The following CDK17 variants were observed in gnomAD, a reference collection of about 807,000 sequenced individuals.
CDK17 encodes the protein cyclin dependent kinase 17, also known as cyclin-dependent kinase 17.
In CDK17, 24 loss-of-function variants were observed where a neutral mutation model predicts 77.6. The ratio of observed to expected loss-of-function variants is 0.31; its 90% confidence interval spans 0.22 to 0.44. The LOEUF (loss-of-function observed/expected upper bound fraction) is 0.44, where lower values mean the gene tolerates loss of function less well. Among genes scored for constraint, CDK17 ranks in the 20% least tolerant of loss-of-function variants. The pLI, the probability that CDK17 is intolerant of heterozygous loss-of-function variation, is 1.00. For synonymous variants in CDK17, 203 were observed against 210.4 expected, an observed-to-expected ratio of 0.96 and a Z score of 0.30; for missense variants, 429 against 622.5, an observed-to-expected ratio of 0.69 and a Z score of 3.31.
intron 1 of CDK17, among the ~76,000 whole-genome samples, chr12:96,381,758 CA>C (rs1953886669): frequency 6.7e-6 from 1 of 149,112 alleles, no homozygotes; most frequent in South Asian, 2.1e-4. Flanking sequence ...ATCACCAAAA[CA>C]ACTTATCTAG....
intron 5 of CDK17, among the ~76,000 whole-genome samples, chr12:96,310,034 T>C (rs1387467162): frequency 1.3e-5 from 2 of 152,114 alleles, no homozygotes; most frequent in African/African-American, 2.4e-5. Flanking sequence ...GGAATGGTGA[T>C]AGAAGCATTA....
chr12:96,360,810 G>T (rs1953482454), intron 1 of CDK17, among the ~76,000 whole-genome samples: 1 of 152,164 alleles, frequency 6.6e-6, no homozygotes, highest in African/African-American at 2.4e-5. Context: ...TGATCTCCTG[G>T]ACTTTGGCTG....
intron 1 of CDK17, among the ~76,000 whole-genome samples, chr12:96,345,783 T>C (rs1953199688): frequency 2.6e-5 from 4 of 151,600 alleles, no homozygotes. Context: ...CTATAAAATA[T>C]TACAGAAAAG....
intron 1 of CDK17, among the ~76,000 whole-genome samples, chr12:96,382,125 G>A (rs1192940635): frequency 1.3e-5 from 2 of 151,930 alleles, no homozygotes; most frequent in African/African-American, 4.8e-5. Flanking sequence ...TGGTGTGGGC[G>A]GGTGGGAAAG....
At chr12:96,333,175 A>T (rs1952995448) in intron 2 of CDK17, among the ~76,000 whole-genome samples, 1 of 152,040 alleles carries the variant, frequency 6.6e-6, no homozygotes, top group Admixed American at 6.6e-5. Flanking sequence ...AAATTCAATG[A>T]GGGGGTCTAA....
chr12:96,396,507 T>A (rs1482320262), intron 1 of CDK17, among the ~76,000 whole-genome samples: 1 of 152,218 alleles, frequency 6.6e-6, no homozygotes, highest in South Asian at 2.1e-4. Context: ...CATTTTTAAA[T>A]GCCATAAACC....
At chr12:96,284,571 T>C (rs1479604983) in intron 13 of CDK17, 1 of 151,950 alleles carries the variant, frequency 6.6e-6, no homozygotes, top group Non-Finnish European at 1.5e-5. Flanking sequence ...TTATCTTTTT[T>C]TTTTTTTTGA....
chr12:96,349,164 A>G (rs1430189909), intron 1 of CDK17, among the ~76,000 whole-genome samples: 1 of 152,226 alleles, frequency 6.6e-6, no homozygotes, highest in Non-Finnish European at 1.5e-5. Flanking sequence ...AAGAAAATCA[A>G]TTAATGTAGC....
chr12:96,390,140 A>G (rs1954044047), intron 1 of CDK17, among the ~76,000 whole-genome samples: 1 of 135,394 alleles, frequency 7.4e-6, no homozygotes, highest in South Asian at 2.4e-4. Flanking sequence ...AAAGAGGTAT[A>G]ATTTAAAACT....
chr12:96,400,263 C>A lies in CDK17; in HGVS notation c.-307G>T, dbSNP rs965856237. 3.2e-4 allele frequency: 126 copies of A among 393,092 alleles called. No homozygotes were observed. The highest frequency in any genetic ancestry group is 6.4e-4 in the Middle Eastern group (1 of 1,562). The allele number at this position is 393,092 out of a possible 1,614,324, so 24.4% of individuals were successfully genotyped here. A position where few individuals can be genotyped will look rare whatever the true frequency, so the allele number is the denominator to read the frequency against. On this transcript the variant is annotated 5_prime_UTR_variant, in exon 1 of 17. Coordinates refer to ENST00000261211, the MANE Select transcript of CDK17 (RefSeq NM_002595.5). Reference sequence around the variant, plus strand: ...GAGCCGCGCGGACGGCCCACTAATCCCCTCGGAGCAGCCGGGCGCGAGCGC... The same window carrying A: ...GAGCCGCGCGGACGGCCCACTAATCACCTCGGAGCAGCCGGGCGCGAGCGC...
chr12:96,301,269 C>T (rs1222299374), intron 5 of CDK17, among the ~76,000 whole-genome samples: 12 of 146,440 alleles, frequency 8.2e-5, no homozygotes, highest in African/African-American at 2.8e-4. Context: ...ACAAACAAAC[C>T]CACAACAACA....
chr12:96,333,581 G>A (rs1325725129), intron 2 of CDK17, among the ~76,000 whole-genome samples: 6 of 151,850 alleles, frequency 4.0e-5, no homozygotes, highest in African/African-American at 1.2e-4. Flanking sequence ...GGCTGAGGCA[G>A]GAGAATCACT....
In CDK17 at chr12:96,400,154, C is replaced by T. The variant is rs1234781370; in HGVS notation, c.-198G>A. 3 of 394,368 alleles carry T rather than the reference C, an allele frequency of 7.6e-6. No individual in the cohort carries two copies. Among genetic ancestry groups the T allele is most frequent in the Admixed American group, 4.4e-5 (1 of 22,572 alleles). 24.4% of individuals were successfully genotyped at this position (394,368 alleles called of 1,614,324 possible). On this transcript the variant is annotated 5_prime_UTR_variant, in exon 1 of 17. Coordinates refer to ENST00000261211, the MANE Select transcript of CDK17 (RefSeq NM_002595.5). Reference sequence around the variant, plus strand: ...GCCGCCACAGCCGCCTTCCGGCTCTCGCCGCGGGTCCGGAGCCTCGGGAGG... The same window carrying T: ...GCCGCCACAGCCGCCTTCCGGCTCTTGCCGCGGGTCCGGAGCCTCGGGAGG...
At chr12:96,375,604 T>C (rs1005769977) in intron 1 of CDK17, among the ~76,000 whole-genome samples, 1 of 146,962 alleles carries the variant, frequency 6.8e-6, no homozygotes, top group Non-Finnish European at 1.5e-5. Flanking sequence ...AACCTCCGCA[T>C]CCTGGGCTCA....
chr12:96,294,435 T>C (rs1025151078), intron 10 of CDK17, among the ~76,000 whole-genome samples: 1 of 151,306 alleles, frequency 6.6e-6, no homozygotes, highest in African/African-American at 2.4e-5. Context: ...AATACAAAAT[T>C]AGCCAGGCAT....
intron 2 of CDK17, among the ~76,000 whole-genome samples, chr12:96,327,373 TGGTGGCTTAGACTAG>T (rs571859334): frequency 0.011 from 1,602 of 152,220 alleles, 48 homozygotes; most frequent in Admixed American, 0.064. Context: ...TAACAAATGT[TGGTGGCTTAGACTAG>T]GGTGGCTGTA....
At chr12:96,330,990 A>AG (rs996691550) in intron 2 of CDK17, among the ~76,000 whole-genome samples, 2 of 152,180 alleles carry the variant, frequency 1.3e-5, no homozygotes, top group Admixed American at 1.3e-4. Flanking sequence ...TCTGTTACCC[A>AG]GGCTGGAATG....
intron 1 of CDK17, among the ~76,000 whole-genome samples, chr12:96,335,569 G>C (rs1183857293): frequency 6.6e-6 from 1 of 152,190 alleles, no homozygotes; most frequent in Non-Finnish European, 1.5e-5. Flanking sequence ...ATGAGGAAAC[G>C]TGCTCAAAGA....
intron 2 of CDK17, among the ~76,000 whole-genome samples, chr12:96,328,086 G>A (rs778617289): frequency 2.3e-4 from 35 of 152,086 alleles, no homozygotes; most frequent in Non-Finnish European, 3.4e-4. Flanking sequence ...ATTACTGCTT[G>A]AGCTCCACCT....
Sources: gnomAD v4.1 joint callset for allele counts (sites outside exome capture counted in the v4.1 genomes callset) on GRCh38, gnomAD v4.1.1 for gene constraint, MANE v1.5 for transcripts, NCBI Gene and HGNC (gene_info 2026-07-23, HGNC 2026-07-21) for gene names.